DGKB: variants seen among roughly 807,000 people sequenced by gnomAD.
DGKB encodes the protein diacylglycerol kinase beta, also known as 90 kDa diacylglycerol kinase.
A neutral mutation model predicts 114.3 loss-of-function variants in DGKB; 67 were observed. The observed-to-expected ratio is 0.59, with a 90% CI of 0.48 to 0.72. The LOEUF is 0.72. Ranked by LOEUF, DGKB falls within the 30% of genes least tolerant of loss-of-function variation. The pLI is 0.00. For missense variants in DGKB, 907 were observed against 975.2 expected (o/e 0.93, Z 0.93); for synonymous variants, 398 against 323.1 (o/e 1.23, Z -2.49).
rs545810619 is a variant in DGKB, at chr7:14,652,885, C to T, written c.1134+20044G>A. 1.3e-4 allele frequency among the ~76,000 whole-genome samples: 19 copies of T among 151,862 alleles called. No individual in the cohort carries two copies. In the East Asian group the frequency reaches 3.7e-3, roughly 29 times the overall value. On this transcript the variant is annotated intron_variant, in intron 13 of 25. Coordinates refer to ENST00000402815, the MANE Select transcript of DGKB (RefSeq NM_001350709.2). ...TCTCAAAAGAAGACATTTATGCAGC[C>T]AAAAAAACACATGAAAAAATGCTCA...
At chr7:14,738,835 T>C (rs1284389143) in intron 4 of DGKB, among the ~76,000 whole-genome samples, 1 of 152,212 alleles carries the variant, frequency 6.6e-6, no homozygotes, top group Middle Eastern at 3.2e-3. Context: ...GGATCTGCTT[T>C]TGGACCATAA....
At chr7:14,642,608 A>G (rs552867901) in intron 13 of DGKB, among the ~76,000 whole-genome samples, 2 of 152,212 alleles carry the variant, frequency 1.3e-5, no homozygotes, top group Non-Finnish European at 2.9e-5. Context: ...CTCTAATTGA[A>G]TACAATCAAG....
At chr7:14,590,579 C>T (rs62445560) in intron 17 of DGKB, among the ~76,000 whole-genome samples, 8,022 of 152,166 alleles carry the variant, frequency 0.053, 371 homozygotes, top group African/African-American at 0.12. Context: ...GATTGCTAAT[C>T]GGAAAATTTG....
At chr7:14,178,999 C>T (rs1782233280) in intron 23 of DGKB, among the ~76,000 whole-genome samples, 1 of 152,168 alleles carries the variant, frequency 6.6e-6, no homozygotes, top group African/African-American at 2.4e-5. Flanking sequence ...AATAATTATT[C>T]ATATTCACAT....
chr7:14,852,046 C>T (rs1399055027), intron 1 of DGKB, among the ~76,000 whole-genome samples: 1 of 152,022 alleles, frequency 6.6e-6, no homozygotes, highest in Non-Finnish European at 1.5e-5. Flanking sequence ...CACAGTAAAA[C>T]GATTATTTTA....
intron 1 of DGKB, among the ~76,000 whole-genome samples, chr7:14,916,715 A>G (rs892666830): frequency 6.6e-6 from 1 of 152,148 alleles, no homozygotes; most frequent in Admixed American, 6.5e-5. Flanking sequence ...CACCTCTATA[A>G]CAGCTATTGA....
chr7:14,705,835 C>G (rs1396542034), intron 6 of DGKB, among the ~76,000 whole-genome samples: 1 of 152,000 alleles, frequency 6.6e-6, no homozygotes, highest in Non-Finnish European at 1.5e-5. Flanking sequence ...TGGAAAGGAA[C>G]AACCAGTACC....
chr7:14,483,905 G>A (rs1414901683), intron 20 of DGKB, among the ~76,000 whole-genome samples: 2 of 152,028 alleles, frequency 1.3e-5, no homozygotes, highest in African/African-American at 4.8e-5. Flanking sequence ...TTAGTCCAAG[G>A]ATATTAAATT....
chr7:14,250,140 T>A (rs961950583), intron 23 of DGKB, among the ~76,000 whole-genome samples: 58 of 149,000 alleles, frequency 3.9e-4, no homozygotes, highest in African/African-American at 1.4e-3. Flanking sequence ...ATATTTTTTT[T>A]TTTTTTTTGG....
At position 14,851,302 on chromosome 7, in the gene DGKB, G is replaced by A. The variant is rs191601249; in HGVS notation, c.-187-9852C>T. ...AGGAAAATATAGCAAGCTTTGTACT[G>A]TGTATGTTTTTAAAGTTAAGATTTT... On this transcript the variant is annotated intron_variant, in intron 1 of 25. Transcript: ENST00000402815. 2.2e-3 allele frequency among the ~76,000 whole-genome samples: 339 copies of A among 152,228 alleles called. 1 individual carries two copies. Among genetic ancestry groups the A allele is most frequent in the African/African-American group, 8.0e-3 (334 of 41,534 alleles).
intron 2 of DGKB, among the ~76,000 whole-genome samples, chr7:14,793,905 G>A (rs756187634): frequency 6.6e-6 from 1 of 152,056 alleles, no homozygotes; most frequent in Non-Finnish European, 1.5e-5. Flanking sequence ...GAGGGCCTGA[G>A]TAAGACAGAA....
At chr7:14,244,359 A>G (rs1385248061) in intron 23 of DGKB, among the ~76,000 whole-genome samples, 2 of 152,070 alleles carry the variant, frequency 1.3e-5, no homozygotes, top group African/African-American at 4.8e-5. Context: ...TCAACGTGAT[A>G]TTAGAAGAGG....
At chr7:14,459,020 G>C (rs777734139) in intron 21 of DGKB, among the ~76,000 whole-genome samples, 4 of 152,194 alleles carry the variant, frequency 2.6e-5, no homozygotes, top group Non-Finnish European at 5.9e-5. Context: ...GGTGGGGGGA[G>C]GGGCGTCCGC....
intron 2 of DGKB, among the ~76,000 whole-genome samples, chr7:14,801,360 A>G (rs1255251659): frequency 6.6e-6 from 1 of 152,138 alleles, no homozygotes; most frequent in Non-Finnish European, 1.5e-5. Flanking sequence ...TCAGCTGACA[A>G]GGAGTGGACA....
At chr7:14,698,583 T>C (rs1824522163) in intron 7 of DGKB, among the ~76,000 whole-genome samples, 1 of 152,168 alleles carries the variant, frequency 6.6e-6, no homozygotes, top group Non-Finnish European at 1.5e-5. Flanking sequence ...TATTTTTATC[T>C]TGATACACTG....
intron 23 of DGKB, among the ~76,000 whole-genome samples, chr7:14,279,439 A>T (rs1157522056): frequency 6.6e-6 from 1 of 152,170 alleles, no homozygotes. Flanking sequence ...GGGCACAGAC[A>T]AACAAAAAGA....
At chr7:14,710,982 T>A (rs1018170738) in intron 6 of DGKB, among the ~76,000 whole-genome samples, 2 of 152,038 alleles carry the variant, frequency 1.3e-5, no homozygotes, top group African/African-American at 2.4e-5. Flanking sequence ...TTTAATTAAA[T>A]GGAAAAAGCC....
At chr7:14,806,117 C>T (rs4719423) in intron 2 of DGKB, among the ~76,000 whole-genome samples, 9,873 of 151,708 alleles carry the variant, frequency 0.065, 481 homozygotes, top group African/African-American at 0.13. Flanking sequence ...TTCTTTGCTT[C>T]CCGCGTCGTA....
intron 1 of DGKB, among the ~76,000 whole-genome samples, chr7:14,863,079 T>A (rs1260473663): frequency 6.6e-6 from 1 of 151,642 alleles, no homozygotes; most frequent in African/African-American, 2.4e-5. Context: ...AAATGCTTGA[T>A]ATCATTTTTA....
Sources: allele counts gnomAD v4.1 joint callset (sites outside exome capture counted in the v4.1 genomes callset), GRCh38; gene constraint gnomAD v4.1.1; transcripts MANE v1.5; gene names NCBI Gene and HGNC (gene_info 2026-07-23, HGNC 2026-07-21).